The following SGCZ variants were observed in gnomAD, a reference collection of about 807,000 sequenced individuals.
SGCZ encodes the protein sarcoglycan zeta.
In SGCZ, 40 loss-of-function variants were observed where a neutral mutation model predicts 41.3. That is an observed-to-expected ratio of 0.97 (90% CI 0.75 to 1.26). The LOEUF is 1.26. SGCZ is among the 50% of genes most tolerant of loss of function. The pLI is 0.00. For missense variants in SGCZ, 552 were observed against 369.8 expected (o/e 1.49, Z -4.04); for synonymous variants, 206 against 137.5 (o/e 1.50, Z -3.49).
intron 1 of SGCZ, among the ~76,000 whole-genome samples, chr8:14,573,170 C>G (rs1804606344): frequency 6.7e-6 from 1 of 150,358 alleles, no homozygotes; most frequent in Non-Finnish European, 1.5e-5. Context: ...AAATTTGCCT[C>G]CAAGCTTTCT....
rs561263589 is a variant in SGCZ, at chr8:14,435,997, A to AACAT, written c.235-111797_235-111794dup. ...TCCTAGGACCAGCTAGGTATGGGGA[A>AACAT]ACATAAAGGAAGTAGGATTACTAAG... On this transcript the variant is annotated intron_variant, in intron 2 of 7. Transcript: ENST00000382080. 7.6e-3 allele frequency among the ~76,000 whole-genome samples: 1,151 copies of AACAT among 152,334 alleles called. 8 individuals are homozygous for AACAT. Among genetic ancestry groups the AACAT allele is most frequent in the Non-Finnish European group, 0.011 (742 of 68,034 alleles).
At chr8:15,056,302 T>A (rs1321923205) in intron 1 of SGCZ, among the ~76,000 whole-genome samples, 1 of 152,220 alleles carries the variant, frequency 6.6e-6, no homozygotes, top group Non-Finnish European at 1.5e-5. Flanking sequence ...TGAACTGATC[T>A]GAGAGGAATA....
chr8:14,412,103 G>C (rs1177343293), intron 2 of SGCZ, among the ~76,000 whole-genome samples: 1 of 152,028 alleles, frequency 6.6e-6, no homozygotes, highest in Non-Finnish European at 1.5e-5. Context: ...TTGCAGAAAA[G>C]AACAGTATGT....
chr8:15,131,626 G>A (rs895692166), intron 1 of SGCZ, among the ~76,000 whole-genome samples: 3 of 152,078 alleles, frequency 2.0e-5, no homozygotes, highest in East Asian at 3.9e-4. Flanking sequence ...AAGACATCCC[G>A]ATTTCTGTGA....
chr8:15,196,104 A>G (rs1454282311), intron 1 of SGCZ, among the ~76,000 whole-genome samples: 4 of 134,988 alleles, frequency 3.0e-5, no homozygotes, highest in African/African-American at 1.1e-4. Context: ...TCACCTTGTT[A>G]GCCAGGATGG....
chr8:14,528,346 C>T (rs988891), intron 2 of SGCZ, among the ~76,000 whole-genome samples: 100,600 of 151,900 alleles, frequency 0.66, 33,586 homozygotes, highest in Middle Eastern at 0.76. Flanking sequence ...GACAGGACTT[C>T]AGTAACTGTG....
chr8:14,546,099 G>C (rs946796384), intron 2 of SGCZ, among the ~76,000 whole-genome samples: 1 of 152,086 alleles, frequency 6.6e-6, no homozygotes, highest in Admixed American at 6.6e-5. Flanking sequence ...CATACGGAAG[G>C]GTATAATGGA....
At chr8:14,186,303 C>A (rs779347886) in intron 4 of SGCZ, among the ~76,000 whole-genome samples, 1 of 152,312 alleles carries the variant, frequency 6.6e-6, no homozygotes, top group East Asian at 1.9e-4. Flanking sequence ...ACAGCAGAAG[C>A]AGAGAGAGAC....
intron 1 of SGCZ, among the ~76,000 whole-genome samples, chr8:15,217,306 A>G (rs1801437359): frequency 1.3e-5 from 2 of 151,416 alleles, no homozygotes; most frequent in African/African-American, 4.8e-5. Context: ...AGTCCCAGCT[A>G]CTTGGGAGGC....
intron 2 of SGCZ, among the ~76,000 whole-genome samples, chr8:14,497,993 G>A (rs1446220989): frequency 6.6e-6 from 1 of 152,038 alleles, no homozygotes; most frequent in African/African-American, 2.4e-5. Flanking sequence ...TCATCTATAA[G>A]TTTTATATTT....
At chr8:14,553,330 T>G (rs923497479) in intron 2 of SGCZ, among the ~76,000 whole-genome samples, 2 of 152,042 alleles carry the variant, frequency 1.3e-5, no homozygotes, top group African/African-American at 4.8e-5. Flanking sequence ...CCTACAAGCC[T>G]TCAACTCAAC....
chr8:14,551,944 T>C (rs1193067124), intron 2 of SGCZ, among the ~76,000 whole-genome samples: 1 of 151,636 alleles, frequency 6.6e-6, no homozygotes, highest in Non-Finnish European at 1.5e-5. Context: ...AAAAATACAA[T>C]ATTTTGATAA....
chr8:14,134,155 C>T (rs892175194), intron 5 of SGCZ, among the ~76,000 whole-genome samples: 7 of 152,176 alleles, frequency 4.6e-5, no homozygotes, highest in African/African-American at 1.4e-4. Context: ...TTTGTATACA[C>T]TGCATTTTCA....
At chr8:15,164,671 A>G (rs1165732446) in intron 1 of SGCZ, among the ~76,000 whole-genome samples, 4 of 136,996 alleles carry the variant, frequency 2.9e-5, no homozygotes, top group African/African-American at 8.4e-5. Flanking sequence ...ACATTTTACT[A>G]GGCCAGGCTC....
At chr8:15,233,714 C>T (rs1802033552) in intron 1 of SGCZ, among the ~76,000 whole-genome samples, 2 of 151,972 alleles carry the variant, frequency 1.3e-5, no homozygotes, top group Admixed American at 1.3e-4. Context: ...TCAAGATTAA[C>T]TATGTAGTTT....
intron 4 of SGCZ, among the ~76,000 whole-genome samples, chr8:14,231,420 C>G (rs188573823): frequency 6.6e-6 from 1 of 152,004 alleles, no homozygotes; most frequent in Admixed American, 6.6e-5. Context: ...ATTTCAGAAA[C>G]AAACAGGTCC....
intron 3 of SGCZ, among the ~76,000 whole-genome samples, chr8:14,263,699 G>A (rs777460032): frequency 4.7e-4 from 72 of 152,166 alleles, no homozygotes; most frequent in Non-Finnish European, 7.5e-4. Context: ...AAGTGCCAAG[G>A]TACCCTCACA....
intron 1 of SGCZ, among the ~76,000 whole-genome samples, chr8:14,651,494 T>A (rs943903222): frequency 3.3e-5 from 5 of 152,220 alleles, no homozygotes; most frequent in Admixed American, 1.3e-4. Context: ...ATCACCATTA[T>A]ACAATGTTAA....
intron 2 of SGCZ, among the ~76,000 whole-genome samples, chr8:14,376,710 A>T (rs1211389919): frequency 6.6e-6 from 1 of 152,230 alleles, no homozygotes; most frequent in Non-Finnish European, 1.5e-5. Context: ...TCTAATTCAG[A>T]TAAAGGTGCC....
Sources: gnomAD v4.1 joint callset for allele counts (sites outside exome capture counted in the v4.1 genomes callset) on GRCh38, gnomAD v4.1.1 for gene constraint, MANE v1.5 for transcripts, NCBI Gene and HGNC (gene_info 2026-07-23, HGNC 2026-07-21) for gene names.